Variants in SETD7 observed in about 807,000 individuals in gnomAD.
The protein encoded by SETD7 is SET domain containing 7, histone lysine methyltransferase.
A neutral mutation model predicts 41.8 loss-of-function variants in SETD7; 16 were observed. That is an observed-to-expected ratio of 0.38 (90% CI 0.26 to 0.58). The LOEUF (loss-of-function observed/expected upper bound fraction) is 0.58. SETD7 is among the 20% of genes least tolerant of loss of function. SETD7 has a pLI of 0.64. For synonymous variants in SETD7, 163 were observed against 169.7 expected (o/e 0.96, Z 0.31); for missense variants, 346 against 459.7 (o/e 0.75, Z 2.26).
At chr4:139,539,070 T>C (rs1727715601) in intron 2 of SETD7, among the ~76,000 whole-genome samples, 1 of 152,186 alleles carries the variant, frequency 6.6e-6, no homozygotes, top group South Asian at 2.1e-4. Flanking sequence ...TTCCTGTTAG[T>C]GTTTGAATAT....
intron 3 of SETD7, among the ~76,000 whole-genome samples, chr4:139,530,355 C>A (rs1218393585): frequency 1.8e-5 from 1 of 56,824 alleles, no homozygotes; most frequent in African/African-American, 5.5e-5. Flanking sequence ...CCAAATGCTG[C>A]CTTTTTTTTT....
Position 139,510,554 on chromosome 4 carries a change from A to G in SETD7, c.*1109T>C, listed in dbSNP as rs1280291272. The G allele has an allele frequency of 1.3e-5, 2 of 152,220 alleles. No homozygotes were observed. The highest frequency in any genetic ancestry group is 2.9e-5 in the Non-Finnish European group (2 of 68,036). The allele number at this position is 152,220 out of a possible 1,614,324, so 9.4% of individuals were successfully genotyped here. On this transcript the variant is annotated 3_prime_UTR_variant, in exon 8 of 8. Coordinates refer to ENST00000274031, the MANE Select transcript of SETD7 (RefSeq NM_030648.4). Reference sequence around the variant, plus strand: ...AAGCAGGTAAGTGCTTTGAAATTACAATGATGAAGAGTTTTAGCATCAAGG... The same window carrying G: ...AAGCAGGTAAGTGCTTTGAAATTACGATGATGAAGAGTTTTAGCATCAAGG...
At chr4:139,513,761 A>C (rs910266790) in intron 7 of SETD7, among the ~76,000 whole-genome samples, 11 of 152,228 alleles carry the variant, frequency 7.2e-5, no homozygotes, top group Non-Finnish European at 1.3e-4. Context: ...AGTAATAGTT[A>C]TCCCATAGGG....
intron 1 of SETD7, among the ~76,000 whole-genome samples, chr4:139,554,891 T>G (rs1472503910): frequency 6.6e-6 from 1 of 152,218 alleles, no homozygotes; most frequent in Non-Finnish European, 1.5e-5. Flanking sequence ...CTTATGCATT[T>G]GTAGTGTCGC....
intron 4 of SETD7, among the ~76,000 whole-genome samples, chr4:139,528,302 T>C (rs999617420): frequency 6.6e-6 from 1 of 152,268 alleles, no homozygotes; most frequent in Non-Finnish European, 1.5e-5. Flanking sequence ...ACGCAAGATG[T>C]TGGGCTCGAG....
chr4:139,506,630 T>C lies in SETD7; in HGVS notation c.*5033A>G, dbSNP rs904084250. 2 of 152,670 alleles carry C rather than the reference T, an allele frequency of 1.3e-5. No homozygotes were observed. Among genetic ancestry groups the C allele is most frequent in the African/African-American group, 4.8e-5 (2 of 41,464 alleles). The allele number at this position is 152,670 out of a possible 1,614,324, so 9.5% of individuals were successfully genotyped here. A position where few individuals can be genotyped will look rare whatever the true frequency, so the allele number is the denominator to read the frequency against. On this transcript the variant is annotated 3_prime_UTR_variant, in exon 8 of 8. Coordinates refer to ENST00000274031, the MANE Select transcript of SETD7 (RefSeq NM_030648.4). ...GTTGATACATTGGCATGTGTGTTCG[T>C]ATTGCTACTATACACAGTGAAAATT... is the stretch of plus-strand genomic sequence containing the variant.
rs550434845 is a variant in SETD7 at position 139,555,681 on chromosome 4, C to A, written c.40+417G>T. Among the ~76,000 whole-genome samples, 1 of 152,116 alleles carries A rather than the reference C, an allele frequency of 6.6e-6. No homozygotes were observed. The highest frequency in any genetic ancestry group is 2.4e-5 in the African/African-American group (1 of 41,538). On this transcript the variant is annotated intron_variant, in intron 1 of 7. Transcript: ENST00000274031. The surrounding 1 kb of genome is among the most constrained non-coding windows in gnomAD (Gnocchi z 4.0). ...GAAGGGCTGGCGGCCGGGAGGGGAT[C>A]GGGGTGGCCAAAACTGGGCTAGGGG...
chr4:139,526,133 C>T (rs186527578), intron 4 of SETD7, among the ~76,000 whole-genome samples: 35 of 152,260 alleles, frequency 2.3e-4, no homozygotes, highest in African/African-American at 5.3e-4. Flanking sequence ...TCACTGCAAC[C>T]TCCACTTCCC....
intron 2 of SETD7, among the ~76,000 whole-genome samples, chr4:139,541,664 C>T (rs977877025): frequency 6.6e-6 from 1 of 152,210 alleles, no homozygotes; most frequent in Non-Finnish European, 1.5e-5. Context: ...GTTATGTTCT[C>T]ATTCATTCCT....
chr4:139,545,690 T>C (rs1727921598), intron 2 of SETD7, among the ~76,000 whole-genome samples: 1 of 152,176 alleles, frequency 6.6e-6, no homozygotes, highest in Non-Finnish European at 1.5e-5. Flanking sequence ...TTACCCCCTT[T>C]AAAACAACGC....
downstream of SETD7, among the ~76,000 whole-genome samples, chr4:139,503,410 C>G (rs1336583999): frequency 6.6e-6 from 1 of 152,034 alleles, no homozygotes; most frequent in African/African-American, 2.4e-5. Flanking sequence ...AGCCCAGCTG[C>G]CCGGCTTCAG....
intron 3 of SETD7, among the ~76,000 whole-genome samples, chr4:139,532,079 G>A (rs12511883): frequency 0.054 from 8,202 of 151,932 alleles, 330 homozygotes; most frequent in Middle Eastern, 0.12. Flanking sequence ...GGGCAACAGA[G>A]CAAGACTCTG....
At chr4:139,496,156 G>T in exon 8 of SETD7, 1 of 456,176 alleles carries the variant, frequency 2.2e-6, no homozygotes. Context: ...ATCTAATCAA[G>T]TCCTGCTGGT....
chr4:139,495,662 G>T (rs1400629371), downstream of SETD7, among the ~76,000 whole-genome samples: 1 of 152,184 alleles, frequency 6.6e-6, no homozygotes, highest in Non-Finnish European at 1.5e-5. Flanking sequence ...ATGCTGCCAT[G>T]ATCCAGTTAC....
chr4:139,521,892 C>T (rs934962065), intron 5 of SETD7, among the ~76,000 whole-genome samples: 2 of 152,236 alleles, frequency 1.3e-5, no homozygotes, highest in Non-Finnish European at 2.9e-5. Context: ...TTGAACCCAA[C>T]TTGAAACCTG....
downstream of SETD7, among the ~76,000 whole-genome samples, chr4:139,505,216 C>T (rs1269156022): frequency 6.6e-6 from 1 of 152,194 alleles, no homozygotes; most frequent in African/African-American, 2.4e-5. Flanking sequence ...GAATTCACTT[C>T]TTTGGGGTCC....
intron 3 of SETD7, among the ~76,000 whole-genome samples, 158 bp from the exon 4 acceptor site, chr4:139,529,378 A>G (rs1727419025): frequency 6.6e-6 from 1 of 152,242 alleles, no homozygotes; most frequent in Non-Finnish European, 1.5e-5. Flanking sequence ...TAAGAAAAAC[A>G]TGATGCATAG....
At chr4:139,552,272 A>G (rs888551494) in intron 1 of SETD7, among the ~76,000 whole-genome samples, 3 of 152,176 alleles carry the variant, frequency 2.0e-5, no homozygotes, top group African/African-American at 7.2e-5. Context: ...AATATTCTTA[A>G]TATTTTGAAG....
At chr4:139,498,134 C>T (rs903655759) in intron 7 of SETD7, among the ~76,000 whole-genome samples, 14 of 152,166 alleles carry the variant, frequency 9.2e-5, no homozygotes, top group African/African-American at 3.4e-4. Flanking sequence ...ATCCCTGATT[C>T]CTTACTTCCT....
Sources: allele counts gnomAD v4.1 joint callset (sites outside exome capture counted in the v4.1 genomes callset), GRCh38; gene constraint gnomAD v4.1.1; non-coding constraint Gnocchi (gnomAD v3.1); transcripts MANE v1.5; gene names NCBI Gene and HGNC (gene_info 2026-07-23, HGNC 2026-07-21).